The following TENM2 variants were observed in gnomAD, a reference collection of about 807,000 sequenced individuals.
TENM2 encodes the protein teneurin-2.
Under a neutral mutation model 245.2 loss-of-function variants are expected in TENM2, and 52 were observed. The ratio of observed to expected loss-of-function variants is 0.21; its 90% CI spans 0.17 to 0.27. The LOEUF is 0.27. TENM2 is among the 10% of genes least tolerant of loss of function. The pLI, the probability that TENM2 is intolerant of heterozygous loss-of-function variation, is 1.00. For missense variants in TENM2, 3,046 were observed against 3,666.8 expected (o/e 0.83, Z 4.37); for synonymous variants, 1,363 against 1,438.9 (o/e 0.95, Z 1.19).
At chr5:167,769,887 G>A (rs1225418000) in intron 2 of TENM2, among the ~76,000 whole-genome samples, 1 of 151,952 alleles carries the variant, frequency 6.6e-6, no homozygotes, top group Admixed American at 6.6e-5. Context: ...GCTTGGTGTG[G>A]GTCTAAACCT....
chr5:167,990,455 G>A lies in TENM2; in HGVS notation c.948-2489G>A, dbSNP rs77219551. 9.3e-4 allele frequency among the ~76,000 whole-genome samples: 142 copies of A among 152,290 alleles called. 1 individual carries two copies. In the East Asian group the frequency reaches 0.026, roughly 28 times the overall value. On this transcript the variant is annotated intron_variant, in intron 4 of 28. Coordinates refer to ENST00000518659, the Ensembl canonical transcript of TENM2. Reference sequence around the variant, plus strand: ...GGATTAGTGATGCTTTTCCTACACAGTGTTGCAATCCTCACAGCAAGCAGT... The same window carrying A: ...GGATTAGTGATGCTTTTCCTACACAATGTTGCAATCCTCACAGCAAGCAGT...
chr5:167,313,649 C>T (rs1290283527), intron 1 of TENM2, among the ~76,000 whole-genome samples: 1 of 152,104 alleles, frequency 6.6e-6, no homozygotes, highest in Non-Finnish European at 1.5e-5. Context: ...GTCACTTATT[C>T]ACCTTAAGCC....
chr5:168,246,970 T>G (rs1287444280), exon 27 of TENM2: 3 of 1,613,878 alleles, frequency 1.9e-6, no homozygotes, highest in Non-Finnish European at 2.5e-6. Flanking sequence ...GAAGACCTCC[T>G]TTTTGGGCAC....
At position 168,162,688 on chromosome 5, in the gene TENM2, G is replaced by A. The variant is rs1476352251; in HGVS notation, c.2500G>A (p.Gly834Ser). Residue 834 changes from glycine to serine, a missense_variant, in exon 13 of 29, where the codon GGC becomes AGC. Physicochemically the swap from Gly to Ser is moderately conservative, Grantham distance 56 (BLOSUM62 0). This residue lies in a region of TENM2 where 2,704 missense variants were observed against 3,331.9 expected (regional missense o/e 0.81). Transcript: ENST00000518659. ...CAGCTGGCAGTGTGTCTGCCAGACC[G>A]GCTGGAGAGGGCCCGGATGCAACGT... The A allele has an allele frequency of 1.9e-6, 3 of 1,613,904 alleles. No individual in the cohort carries two copies. Among genetic ancestry groups the A allele is most frequent in the East Asian group, 2.2e-5 (1 of 44,892 alleles).
chr5:167,701,873 C>A (rs905117873), intron 2 of TENM2, among the ~76,000 whole-genome samples: 1 of 152,092 alleles, frequency 6.6e-6, no homozygotes, highest in Non-Finnish European at 1.5e-5. Flanking sequence ...TATTTATGTT[C>A]ATGTTGTGAT....
intron 2 of TENM2, among the ~76,000 whole-genome samples, chr5:167,693,338 T>TA (rs1233926091): frequency 6.6e-6 from 1 of 152,138 alleles, no homozygotes; most frequent in Non-Finnish European, 1.5e-5. Flanking sequence ...TTTAATATGT[T>TA]AAAAAAATTC....
At chr5:167,131,575 G>C in the TENM2 span, among the ~76,000 whole-genome samples, 1 of 152,110 alleles carries the variant, frequency 6.6e-6, no homozygotes, top group East Asian at 1.9e-4. Flanking sequence ...CCCCTTTCTA[G>C]TTAATGGACA....
chr5:167,757,080 T>C (rs1762358509), intron 2 of TENM2, among the ~76,000 whole-genome samples: 1 of 150,202 alleles, frequency 6.7e-6, no homozygotes, highest in African/African-American at 2.4e-5. Context: ...TATTTTTTAT[T>C]TTTTTATTAT....
At chr5:167,008,801 G>T in the TENM2 span, among the ~76,000 whole-genome samples, 1 of 152,070 alleles carries the variant, frequency 6.6e-6, no homozygotes, top group East Asian at 1.9e-4. Context: ...GCAGCGTATC[G>T]ACGTACACAT....
chr5:167,638,841 A>G (rs939979193), intron 2 of TENM2, among the ~76,000 whole-genome samples: 60 of 152,212 alleles, frequency 3.9e-4, no homozygotes, highest in Admixed American at 5.2e-4. Flanking sequence ...TTCATTATGT[A>G]TAATGAGGAG....
the TENM2 span, among the ~76,000 whole-genome samples, chr5:167,050,713 CGTCT>C: frequency 6.6e-6 from 1 of 152,084 alleles, no homozygotes; most frequent in Non-Finnish European, 1.5e-5. Context: ...TTCCTCTCTC[CGTCT>C]GTCTGCATAG....
At chr5:168,160,118 G>T (rs72835007) in intron 12 of TENM2, among the ~76,000 whole-genome samples, 2 of 152,120 alleles carry the variant, frequency 1.3e-5, no homozygotes, top group African/African-American at 4.8e-5. Context: ...TGTATTTTCC[G>T]TGATCCATTC....
At chr5:167,591,561 T>C (rs1299829207) in intron 2 of TENM2, among the ~76,000 whole-genome samples, 1 of 152,236 alleles carries the variant, frequency 6.6e-6, no homozygotes, top group Non-Finnish European at 1.5e-5. Flanking sequence ...ATGTCACTCA[T>C]TGGCCATTTA....
At chr5:167,068,706 T>A in the TENM2 span, among the ~76,000 whole-genome samples, 7 of 152,174 alleles carry the variant, frequency 4.6e-5, no homozygotes, top group African/African-American at 1.7e-4. Flanking sequence ...ACATACATAA[T>A]CATCACTCAA....
intron 3 of TENM2, among the ~76,000 whole-genome samples, chr5:167,915,127 C>G (rs1776836817): frequency 6.6e-6 from 1 of 152,080 alleles, no homozygotes; most frequent in Non-Finnish European, 1.5e-5. Flanking sequence ...TACCATACCT[C>G]CCTTCACTCC....
intron 2 of TENM2, among the ~76,000 whole-genome samples, chr5:167,783,254 C>T (rs926437537): frequency 6.6e-6 from 1 of 150,848 alleles, no homozygotes; most frequent in Non-Finnish European, 1.5e-5. Flanking sequence ...CAGCAGCACA[C>T]ACCGGGTTCA....
chr5:167,585,736 A>C (rs1164455622), intron 2 of TENM2, among the ~76,000 whole-genome samples: 1 of 152,116 alleles, frequency 6.6e-6, no homozygotes, highest in South Asian at 2.1e-4. Context: ...TCAAATAATA[A>C]AATTTTTATT....
intron 12 of TENM2, among the ~76,000 whole-genome samples, chr5:168,142,080 A>G (rs910396471): frequency 3.9e-5 from 6 of 152,254 alleles, no homozygotes; most frequent in African/African-American, 1.4e-4. Flanking sequence ...CGGACATCCC[A>G]GAGAAAGAAT....
At chr5:167,719,067 G>T (rs1381087749) in intron 2 of TENM2, among the ~76,000 whole-genome samples, 5 of 152,116 alleles carry the variant, frequency 3.3e-5, no homozygotes, top group Non-Finnish European at 7.3e-5. Flanking sequence ...TAGGTATGAA[G>T]CATTATTCTG....
Sources: gnomAD v4.1 joint callset for allele counts (sites outside exome capture counted in the v4.1 genomes callset) on GRCh38, gnomAD v4.1.1 for gene constraint, gnomAD v4.1.1 regional missense constraint, MANE v1.5 for transcripts, NCBI Gene and HGNC (gene_info 2026-07-23, HGNC 2026-07-21) for gene names.